Variants in PTP4A2 observed in about 807,000 individuals in gnomAD.
PTP4A2 encodes protein tyrosine phosphatase type IVA 2.
In PTP4A2, 2 loss-of-function variants were observed where a neutral mutation model predicts 22.9. The ratio of observed to expected loss-of-function variants is 0.09; its 90% CI spans 0.04 to 0.27. PTP4A2 has a LOEUF of 0.27. PTP4A2 is among the 10% of genes least tolerant of loss of function. PTP4A2 has a pLI of 1.00. For missense variants in PTP4A2, 103 were observed against 205.1 expected (o/e 0.50, Z 3.04); for synonymous variants, 68 against 69.1 (o/e 0.98, Z 0.08).
At chr1:31,933,667 G>A (rs765868241) in intron 1 of PTP4A2, 8 of 152,198 alleles carry the variant, frequency 5.3e-5, no homozygotes, top group Non-Finnish European at 8.8e-5. Flanking sequence ...AGGCTGCAGT[G>A]AGCTGAGGTT....
chr1:31,927,705 C>T (rs1310029888), intron 1 of PTP4A2, among the ~76,000 whole-genome samples: 1 of 152,142 alleles, frequency 6.6e-6, no homozygotes, highest in Non-Finnish European at 1.5e-5. Context: ...TACACTTTGA[C>T]GTGGGATTTG....
At chr1:31,928,427 C>G (rs966665787) in intron 1 of PTP4A2, among the ~76,000 whole-genome samples, 1 of 151,454 alleles carries the variant, frequency 6.6e-6, no homozygotes, top group African/African-American at 2.4e-5. Context: ...TGGCCGGGCG[C>G]GATGGCTTAC....
At chr1:31,918,909 A>G (rs1651998272) in intron 2 of PTP4A2, 61 bp downstream of exon 2, 16 of 1,006,150 alleles carry the variant, frequency 1.6e-5, no homozygotes, top group Non-Finnish European at 2.0e-5. Flanking sequence ...TGCTAAGAGA[A>G]TTTTTTAATG....
At chr1:31,936,051 A>G (rs1419996576) in intron 1 of PTP4A2, among the ~76,000 whole-genome samples, 1 of 151,964 alleles carries the variant, frequency 6.6e-6, no homozygotes, top group Admixed American at 6.5e-5. Flanking sequence ...AGCCTCCCAA[A>G]GTGCTAGGAT....
chr1:31,930,265 G>T (rs552123885), intron 1 of PTP4A2, among the ~76,000 whole-genome samples: 1 of 150,896 alleles, frequency 6.6e-6, no homozygotes, highest in African/African-American at 2.5e-5. Flanking sequence ...GTGAACCCCG[G>T]GGGGGCGGAA....
intron 1 of PTP4A2, among the ~76,000 whole-genome samples, chr1:31,936,646 T>C (rs768799599): frequency 6.6e-6 from 1 of 152,176 alleles, no homozygotes; most frequent in East Asian, 1.9e-4. Context: ...TCCATGATAA[T>C]AATTAGTCCA....
At chr1:31,910,193 A>C (rs559676) in intron 4 of PTP4A2, 81 bp from the exon 5 acceptor site, 2 of 1,006,288 alleles carry the variant, frequency 2.0e-6, no homozygotes, top group South Asian at 2.7e-5. Context: ...GCATATTACC[A>C]ATGCAACGCA....
intron 2 of PTP4A2, among the ~76,000 whole-genome samples, chr1:31,916,370 AAAG>A (rs1302458108): frequency 6.7e-6 from 1 of 149,630 alleles, no homozygotes; most frequent in African/African-American, 2.5e-5. Context: ...AAAAAAAAAA[AAAG>A]AAATCTACTA....
chr1:31,934,812 G>C (rs1200087258), intron 1 of PTP4A2, among the ~76,000 whole-genome samples: 1 of 152,084 alleles, frequency 6.6e-6, no homozygotes, highest in Non-Finnish European at 1.5e-5. Context: ...GTTGTAAATG[G>C]TTTCTGCCTA....
chr1:31,913,885 C>T (rs755989537), intron 3 of PTP4A2: 13 of 455,080 alleles, frequency 2.9e-5, no homozygotes, highest in South Asian at 2.0e-4. Context: ...AGAACATATT[C>T]ATAATGCAGC....
intron 1 of PTP4A2, chr1:31,921,694 A>G (rs927399764): frequency 2.0e-5 from 3 of 152,164 alleles, no homozygotes; most frequent in African/African-American, 4.8e-5. Flanking sequence ...AGAAGTCTCT[A>G]AAAAATAGCT....
chr1:31,926,143 A>AT (rs1190342133), intron 1 of PTP4A2, among the ~76,000 whole-genome samples: 97 of 131,092 alleles, frequency 7.4e-4, no homozygotes, highest in East Asian at 5.2e-3. Flanking sequence ...ATTAAAAAAA[A>AT]AAAAAAATAT....
chr1:31,909,542 C>T (rs1294688514), intron 5 of PTP4A2, among the ~76,000 whole-genome samples: 1 of 151,870 alleles, frequency 6.6e-6, no homozygotes, highest in African/African-American at 2.4e-5. Flanking sequence ...CGTGGTGGTG[C>T]GTGCCTGTAG....
chr1:31,931,934 G>C (rs1242321414), intron 1 of PTP4A2, among the ~76,000 whole-genome samples: 1 of 152,112 alleles, frequency 6.6e-6, no homozygotes, highest in Non-Finnish European at 1.5e-5. Context: ...AATTTGTTCT[G>C]CTACTAAAAA....
intron 1 of PTP4A2, chr1:31,935,708 A>G (rs922160841): frequency 6.6e-6 from 1 of 152,236 alleles, no homozygotes; most frequent in African/African-American, 2.4e-5. Flanking sequence ...GCAAATGAAG[A>G]TACCACCTTT....
chr1:31,932,025 G>A (rs971990493), intron 1 of PTP4A2, among the ~76,000 whole-genome samples: 5 of 152,124 alleles, frequency 3.3e-5, no homozygotes, highest in Admixed American at 1.3e-4. Context: ...CCTGTAAAAC[G>A]GTGGGGAAAA....
intron 5 of PTP4A2, among the ~76,000 whole-genome samples, chr1:31,909,502 C>T (rs1651417633): frequency 6.6e-6 from 1 of 151,786 alleles, no homozygotes; most frequent in Non-Finnish European, 1.5e-5. Context: ...GGTGAAACCC[C>T]GTCTACTAAA....
chr1:31,925,554 A>G (rs1475780968), intron 1 of PTP4A2, among the ~76,000 whole-genome samples: 1 of 151,476 alleles, frequency 6.6e-6, no homozygotes, highest in African/African-American at 2.4e-5. Context: ...GTCAGGAGAT[A>G]AGAGACCATC....
chr1:31,916,162 T>G (rs965613058), intron 2 of PTP4A2, among the ~76,000 whole-genome samples, 175 bp from the exon 3 acceptor site: 20 of 151,522 alleles, frequency 1.3e-4, no homozygotes, highest in Middle Eastern at 3.4e-3. Context: ...CTGACCAACA[T>G]AGTGAAACCC....
Sources: allele counts gnomAD v4.1 joint callset (sites outside exome capture counted in the v4.1 genomes callset), GRCh38; gene constraint gnomAD v4.1.1; transcripts MANE v1.5; gene names NCBI Gene and HGNC (gene_info 2026-07-23, HGNC 2026-07-21).